Variants in LIN28B observed in about 807,000 individuals in gnomAD.
The protein encoded by LIN28B is protein lin-28 homolog B.
A neutral mutation model predicts 21.9 loss-of-function variants in LIN28B; 5 were observed. The observed-to-expected ratio is 0.23, with a 90% CI of 0.12 to 0.48. The LOEUF (loss-of-function observed/expected upper bound fraction) is 0.48. Ranked by LOEUF, LIN28B falls within the 20% of genes least tolerant of loss-of-function variation. The pLI, the probability that LIN28B is intolerant of heterozygous loss-of-function variation, is 0.98. For missense variants in LIN28B, 245 were observed against 310.5 expected, an observed-to-expected ratio of 0.79 and a Z score of 1.58; for synonymous variants, 109 against 111.3, an observed-to-expected ratio of 0.98 and a Z score of 0.13.
intron 3 of LIN28B, among the ~76,000 whole-genome samples, chr6:105,077,229 A>AT (rs1562116375): frequency 6.6e-6 from 1 of 151,814 alleles, no homozygotes; most frequent in African/African-American, 2.4e-5. Flanking sequence ...CATCTCAAAA[A>AT]ATATATATAT....
chr6:104,938,592 T>C (rs1245271795), intron 2 of LIN28B, among the ~76,000 whole-genome samples: 2 of 151,244 alleles, frequency 1.3e-5, no homozygotes, highest in Non-Finnish European at 1.5e-5. Context: ...TGAGCCAAGA[T>C]TGCACTACTG....
intron 2 of LIN28B, among the ~76,000 whole-genome samples, chr6:104,996,246 AAG>A (rs1488292904): frequency 6.6e-6 from 1 of 152,196 alleles, no homozygotes; most frequent in Non-Finnish European, 1.5e-5. Flanking sequence ...CTTATCTAGA[AAG>A]AGGAATATAG....
intron 1 of LIN28B, 111 bp downstream of exon 1, chr6:104,957,371 A>G (rs981835767): frequency 5.6e-6 from 3 of 539,640 alleles, no homozygotes; most frequent in Non-Finnish European, 9.3e-6. Flanking sequence ...TTACCCCAAT[A>G]CTGGGCATTA....
intron 2 of LIN28B, among the ~76,000 whole-genome samples, chr6:104,991,909 C>T (rs1397883818): frequency 7.3e-5 from 11 of 151,050 alleles, no homozygotes; most frequent in African/African-American, 1.5e-4. Flanking sequence ...CACTCGCAGG[C>T]TGAGGCAGGA....
chr6:104,981,902 G>A (rs1295237668), intron 2 of LIN28B, among the ~76,000 whole-genome samples: 2 of 152,156 alleles, frequency 1.3e-5, no homozygotes, highest in Non-Finnish European at 2.9e-5. Context: ...TACAAATAAG[G>A]TTATGTGATA....
At chr6:104,955,483 ACTT>A (rs2114560672), upstream of LIN28B, among the ~76,000 whole-genome samples, 1 of 152,338 alleles carries the variant, frequency 6.6e-6, no homozygotes, top group African/African-American at 2.4e-5. Context: ...GCTGAAAATA[ACTT>A]CTATTTTTTA....
At chr6:104,995,437 CAGATATAAAATCTGTTTTAG>C (rs990749328) in intron 2 of LIN28B, among the ~76,000 whole-genome samples, 2 of 151,972 alleles carry the variant, frequency 1.3e-5, no homozygotes, top group African/African-American at 4.8e-5. Flanking sequence ...TTGGGGGGGC[CAGATATAAAATCTGTTTTAG>C]AAATGTAAGT....
chr6:105,023,286 ATAAT>A (rs1251730268), intron 2 of LIN28B, among the ~76,000 whole-genome samples: 2 of 34,334 alleles, frequency 5.8e-5, no homozygotes. Flanking sequence ...ATATATATAA[ATAAT>A]ATATATATTT....
chr6:105,016,077 T>C (rs1771020299), intron 2 of LIN28B, among the ~76,000 whole-genome samples: 1 of 152,188 alleles, frequency 6.6e-6, no homozygotes, highest in African/African-American at 2.4e-5. Context: ...AGTATAGATT[T>C]GATAGGGATT....
upstream of LIN28B, among the ~76,000 whole-genome samples, chr6:104,953,727 G>A (rs1237603113): frequency 1.3e-5 from 2 of 152,168 alleles, no homozygotes; most frequent in Non-Finnish European, 2.9e-5. Context: ...GGTCTCGGCC[G>A]CCTGGGGAGC....
At position 105,078,919 on chromosome 6, in the gene LIN28B, A is replaced by T; in HGVS notation, c.*136A>T. ...TTGGGGAACTGTGAATTTTTTAAAC[A>T]GACAAATCACTCTAAGCAAATTACA... On this transcript the variant is annotated 3_prime_UTR_variant, in exon 4 of 4. Transcript: ENST00000345080. 1 of 996,808 alleles carries T rather than the reference A, an allele frequency of 1.0e-6. No individual in the cohort carries two copies. The highest frequency in any genetic ancestry group is 1.5e-6 in the Non-Finnish European group (1 of 686,308). 61.7% of individuals were successfully genotyped at this position (996,808 alleles called of 1,614,324 possible).
At chr6:104,989,581 T>TG (rs1770417869) in intron 2 of LIN28B, among the ~76,000 whole-genome samples, 2 of 124,384 alleles carry the variant, frequency 1.6e-5, no homozygotes, top group Non-Finnish European at 3.4e-5. Flanking sequence ...CTTGGGTTTT[T>TG]TTTTTTTTTT....
intron 2 of LIN28B, among the ~76,000 whole-genome samples, chr6:105,024,874 A>G (rs542770547): frequency 1.3e-3 from 203 of 152,166 alleles, no homozygotes; most frequent in Non-Finnish European, 2.2e-3. Flanking sequence ...TTCTCTAAGT[A>G]TGTTCGTCAT....
Position 105,073,019 on chromosome 6 carries a change from A to G in LIN28B, c.384-5395A>G, listed in dbSNP as rs113493123. On this transcript the variant is annotated intron_variant, in intron 3 of 3. Transcript: ENST00000345080. ...AGGATCTGCCCCTCTTACCTTCAGGAGGTGTACAGGGTAGGCAGATTGCTT... is the reference window on the plus strand; with the variant it reads ...AGGATCTGCCCCTCTTACCTTCAGGGGGTGTACAGGGTAGGCAGATTGCTT... Among the ~76,000 whole-genome samples the G allele has an allele frequency of 1.2e-3, 189 of 152,092 alleles. 2 individuals carry two copies. Among genetic ancestry groups the G allele is most frequent in the African/African-American group, 4.4e-3 (184 of 41,500 alleles).
At chr6:105,062,982 C>T (rs1480049762) in intron 3 of LIN28B, among the ~76,000 whole-genome samples, 1 of 151,890 alleles carries the variant, frequency 6.6e-6, no homozygotes, top group Non-Finnish European at 1.5e-5. Context: ...TAGTACAAAC[C>T]TCATAAAAGG....
intron 2 of LIN28B, among the ~76,000 whole-genome samples, chr6:104,979,408 A>T (rs1360173530): frequency 6.6e-6 from 1 of 151,908 alleles, no homozygotes. Context: ...GGGTTTCACC[A>T]TGTTGGCCAG....
At chr6:105,073,013 T>G (rs1377778924) in intron 3 of LIN28B, among the ~76,000 whole-genome samples, 1 of 152,086 alleles carries the variant, frequency 6.6e-6, no homozygotes, top group Non-Finnish European at 1.5e-5. Context: ...CCCTCTTACC[T>G]TCAGGAGGTG....
chr6:104,945,610 A>G (rs1291226768), intron 2 of LIN28B, among the ~76,000 whole-genome samples: 2 of 152,034 alleles, frequency 1.3e-5, no homozygotes, highest in African/African-American at 2.4e-5. Flanking sequence ...TTTTGCCATT[A>G]TTTTGATCTT....
At chr6:105,059,434 C>T (rs1043785482) in intron 3 of LIN28B, among the ~76,000 whole-genome samples, 9 of 152,158 alleles carry the variant, frequency 5.9e-5, no homozygotes, top group Admixed American at 3.3e-4. Flanking sequence ...AGTGATGTCT[C>T]CCAAGTCTGT....
Sources: gnomAD v4.1 joint callset for allele counts (sites outside exome capture counted in the v4.1 genomes callset) on GRCh38, gnomAD v4.1.1 for gene constraint, MANE v1.5 for transcripts, NCBI Gene and HGNC (gene_info 2026-07-23, HGNC 2026-07-21) for gene names.